The following DNAH11 variants were observed in gnomAD, a reference collection of about 807,000 sequenced individuals.
DNAH11 encodes the protein dynein axonemal heavy chain 11.
DNAH11 carries 442 observed loss-of-function variants against 526.0 expected under a neutral mutation model. The ratio of observed to expected loss-of-function variants is 0.84; its 90% confidence interval spans 0.78 to 0.91. The LOEUF is 0.91. DNAH11 is among the 40% of genes least tolerant of loss of function. The pLI is 0.00. For synonymous variants in DNAH11, 2,461 were observed against 1,935.9 expected (o/e 1.27, Z -7.12); for missense variants, 6,989 against 5,448.7 (o/e 1.28, Z -8.90).
At chr7:21,888,662 G>A (rs185928657) in intron 76 of DNAH11, among the ~76,000 whole-genome samples, 58 of 151,950 alleles carry the variant, frequency 3.8e-4, no homozygotes, top group African/African-American at 1.4e-3. Context: ...GCTAATTTTC[G>A]TATTTTTAGT....
chr7:21,560,773 A>T (rs1783421966), intron 4 of DNAH11, among the ~76,000 whole-genome samples: 2 of 152,202 alleles, frequency 1.3e-5, no homozygotes, highest in Admixed American at 6.5e-5. Flanking sequence ...ACCCTCACAG[A>T]CACACCCAGG....
At chr7:21,612,387 C>G (rs781100629) in intron 20 of DNAH11, among the ~76,000 whole-genome samples, 1 of 151,774 alleles carries the variant, frequency 6.6e-6, no homozygotes, top group Non-Finnish European at 1.5e-5. Flanking sequence ...AACCCTGTCT[C>G]TACTAAAAAT....
At chr7:21,546,996 A>G (rs1161964238) in intron 2 of DNAH11, among the ~76,000 whole-genome samples, 1 of 152,242 alleles carries the variant, frequency 6.6e-6, no homozygotes, top group African/African-American at 2.4e-5. Flanking sequence ...CTATAGGTGT[A>G]TATGTCCTTG....
intron 30 of DNAH11, among the ~76,000 whole-genome samples, chr7:21,661,650 G>T (rs1363345696): frequency 6.6e-6 from 1 of 151,894 alleles, no homozygotes; most frequent in East Asian, 1.9e-4. Context: ...GAGGAATCCA[G>T]GGCCAGATTA....
rs1562520885 is a variant in DNAH11 at position 21,741,990 on chromosome 7, C to T, written c.7978C>T (p.Gln2660Ter). The T allele has an allele frequency of 3.7e-6, 6 of 1,613,790 alleles. No individual in the cohort carries two copies. The highest frequency in any genetic ancestry group is 1.7e-5 in the Admixed American group (1 of 59,988). Residue 2660 changes from glutamine (Q) to a stop codon, truncating the protein, a stop_gained, in exon 49 of 82, where the codon CAA (glutamine) becomes TAA (stop). Coordinates refer to ENST00000409508, the MANE Select transcript of DNAH11 (RefSeq NM_001277115.2). LOFTEE classifies it high-confidence loss of function. ...GGATGCACTAAACACCATCTATGGC[C>T]AAATCTTTAGCTTCCATTTCCAACA... ...SLDALNTIYGQIFSFHFQQQA... is the reference protein window; with the variant it reads ...SLDALNTIYG
chr7:21,612,199 C>A (rs998683732), intron 20 of DNAH11, among the ~76,000 whole-genome samples: 1 of 151,770 alleles, frequency 6.6e-6, no homozygotes, highest in African/African-American at 2.4e-5. Flanking sequence ...TCAAACTTAG[C>A]CAGTCAGAAA....
At chr7:21,717,434 T>C (rs1295563970) in intron 42 of DNAH11, among the ~76,000 whole-genome samples, 2 of 152,176 alleles carry the variant, frequency 1.3e-5, no homozygotes, top group South Asian at 4.1e-4. Flanking sequence ...TTTTCATAAA[T>C]AAGGCCTACA....
intron 14 of DNAH11, among the ~76,000 whole-genome samples, chr7:21,595,235 A>G (rs1263015155): frequency 6.6e-6 from 1 of 152,190 alleles, no homozygotes; most frequent in African/African-American, 2.4e-5. Context: ...GGCCTGTTTC[A>G]TATAGGCAGT....
chr7:21,813,693 G>T (rs1011088721), intron 63 of DNAH11, among the ~76,000 whole-genome samples: 24 of 152,306 alleles, frequency 1.6e-4, no homozygotes, highest in African/African-American at 5.8e-4. Flanking sequence ...TTTCCAAAGA[G>T]TGAGCCTCCT....
intron 28 of DNAH11, among the ~76,000 whole-genome samples, chr7:21,650,741 G>A (rs377659000): frequency 6.6e-6 from 1 of 151,776 alleles, no homozygotes; most frequent in Admixed American, 6.6e-5. Flanking sequence ...CCGGGTTCAA[G>A]CGATTCTCCT....
At chr7:21,680,154 A>G (rs1192264999) in intron 30 of DNAH11, among the ~76,000 whole-genome samples, 2 of 152,136 alleles carry the variant, frequency 1.3e-5, no homozygotes, top group Non-Finnish European at 2.9e-5. Flanking sequence ...CCGCACGGCA[A>G]TCTCAGGGAA....
rs1789670766 is a variant in DNAH11 at position 21,814,318 on chromosome 7, C to A, written c.10333-2149C>A. ...GACTTTGTAAACACTGTACACTTAG[C>A]CTACACAAAATTTATTTTATTTATT... On this transcript the variant is annotated intron_variant, in intron 63 of 81. Coordinates refer to ENST00000409508, the MANE Select transcript of DNAH11 (RefSeq NM_001277115.2). Among the ~76,000 whole-genome samples the A allele has an allele frequency of 4.0e-5, 6 of 151,238 alleles. No individual in the cohort carries two copies. The Admixed American group carries it at 4.0e-4, about 10-fold the overall frequency.
intron 66 of DNAH11, among the ~76,000 whole-genome samples, chr7:21,849,397 C>T (rs573198878): frequency 3.9e-5 from 6 of 152,242 alleles, no homozygotes; most frequent in Middle Eastern, 3.4e-3. Flanking sequence ...TCATTTACTC[C>T]TTCTCTAGTA....
Position 21,899,407 on chromosome 7 carries a change from T to C in DNAH11, c.13121T>C (p.Val4374Ala), listed in dbSNP as rs760986985. 17 of 1,613,936 alleles carry C rather than the reference T, an allele frequency of 1.1e-5. No homozygotes were observed. Among genetic ancestry groups the C allele is most frequent in the Non-Finnish European group, 1.4e-5 (16 of 1,179,842 alleles). Residue 4374 changes from valine (V) to alanine (A), a missense_variant, in exon 80 of 82, where the codon GTG (valine) becomes GCG (alanine). Val to Ala is a moderately conservative substitution (Grantham distance 64). Coordinates refer to ENST00000409508, the MANE Select transcript of DNAH11 (RefSeq NM_001277115.2). ...CAAGACCTTACCCTTCCGGCTGTCGTGTGGCTCTCCGGCTTCTTCAACCCT... is the reference window on the plus strand; with the variant it reads ...CAAGACCTTACCCTTCCGGCTGTCGCGTGGCTCTCCGGCTTCTTCAACCCT... ...WTQDLTLPAV[V>A]WLSGFFNPQS...
At chr7:21,614,519 G>C (rs1785675717) in intron 20 of DNAH11, among the ~76,000 whole-genome samples, 1 of 152,154 alleles carries the variant, frequency 6.6e-6, no homozygotes, top group Admixed American at 6.5e-5. Flanking sequence ...GAAAAAACAT[G>C]TCAGCATTTA....
At chr7:21,635,095 AG>A (rs1476394437) in intron 25 of DNAH11, among the ~76,000 whole-genome samples, 1 of 152,180 alleles carries the variant, frequency 6.6e-6, no homozygotes, top group African/African-American at 2.4e-5. Flanking sequence ...TAAACTGAAA[AG>A]GGAGGAAAGT....
In DNAH11 at chr7:21,901,332, A is replaced by ACAT; in HGVS notation, c.*79_*81dup. 2 of 1,420,020 alleles carry ACAT rather than the reference A, an allele frequency of 1.4e-6. No homozygotes were observed. The allele number at this position is 1,420,020 out of a possible 1,614,324, so 88.0% of individuals were successfully genotyped here. A position where few individuals can be genotyped will look rare whatever the true frequency, so the allele number is the denominator to read the frequency against. ...GCATGTTGCTGCACTGTTCCCATGC[A>ACAT]CATTATTCTAACTTTTTAGTAACTC... On this transcript the variant is annotated 3_prime_UTR_variant, in exon 82 of 82. Transcript: ENST00000409508.
At chr7:21,849,149 T>A (rs1308853797) in intron 66 of DNAH11, among the ~76,000 whole-genome samples, 1 of 152,240 alleles carries the variant, frequency 6.6e-6, no homozygotes, top group Non-Finnish European at 1.5e-5. Context: ...CCTCCCAAAG[T>A]GCTGGGATTA....
intron 26 of DNAH11, among the ~76,000 whole-genome samples, chr7:21,637,234 C>T (rs949281335): frequency 1.3e-5 from 2 of 151,762 alleles, no homozygotes; most frequent in Admixed American, 6.6e-5. Context: ...CTCTCCTTCT[C>T]CTCCCCCTCT....
Sources: gnomAD v4.1 joint callset for allele counts (sites outside exome capture counted in the v4.1 genomes callset) on GRCh38, gnomAD v4.1.1 for gene constraint, MANE v1.5 for transcripts, NCBI Gene and HGNC (gene_info 2026-07-23, HGNC 2026-07-21) for gene names.